The following PTPRO variants were observed in gnomAD, a reference collection of about 807,000 sequenced individuals.
PTPRO encodes the protein receptor-type tyrosine-protein phosphatase O.
A neutral mutation model predicts 145.2 loss-of-function variants in PTPRO; 62 were observed. The observed-to-expected ratio is 0.43, with a 90% CI of 0.35 to 0.53. PTPRO has a LOEUF of 0.53. Among genes scored for constraint, PTPRO ranks in the 20% least tolerant of loss-of-function variants. The pLI is 0.01. For missense variants in PTPRO, 1,345 were observed against 1,482.7 expected (o/e 0.91, Z 1.53); for synonymous variants, 565 against 514.7 (o/e 1.10, Z -1.32).
At chr12:15,488,978 T>C (rs1424727893) in intron 2 of PTPRO, among the ~76,000 whole-genome samples, 1 of 152,082 alleles carries the variant, frequency 6.6e-6, no homozygotes, top group East Asian at 1.9e-4. Context: ...GTTCTACAGA[T>C]AGTGGCTGTA....
At chr12:15,327,212 A>G (rs1026263755) in intron 1 of PTPRO, among the ~76,000 whole-genome samples, 5 of 152,208 alleles carry the variant, frequency 3.3e-5, no homozygotes, top group Non-Finnish European at 7.3e-5. Context: ...TCTTATTAAA[A>G]CCATAAATTA....
In PTPRO at chr12:15,560,196, T is replaced by G; in HGVS notation, c.2631T>G (p.Arg877=). 6.3e-7 allele frequency: 1 copy of G among 1,582,106 alleles called. No homozygotes were observed. The highest frequency in any genetic ancestry group is 8.7e-7 in the Non-Finnish European group (1 of 1,151,268). The change falls in exon 17 of 27, where the codon CGT becomes CGG. Residue 877 remains arginine (R), a synonymous_variant. Coordinates refer to ENST00000281171, the MANE Select transcript of PTPRO (RefSeq NM_030667.3). ...ERDGKLPYNW[R]RSIFAFLTLL... ...TGTTGTCTATTAATGCACACAGGCG[T>G]AGGAGTATATTTGCTTTCTTAACCC... is the stretch of plus-strand genomic sequence containing the variant.
chr12:15,519,343 T>C (rs1942665357), intron 9 of PTPRO, among the ~76,000 whole-genome samples: 2 of 152,126 alleles, frequency 1.3e-5, no homozygotes, highest in Admixed American at 6.5e-5. Flanking sequence ...GAGATTTGGG[T>C]GGGGACACAG....
chr12:15,346,376 T>C lies in PTPRO; in HGVS notation c.75+23575T>C, dbSNP rs143494480. The C allele has an allele frequency of 5.9e-5, 9 of 152,328 alleles. No individual in the cohort carries two copies. In the East Asian group the frequency reaches 1.2e-3, roughly 20 times the overall value. The allele number at this position is 152,328 out of a possible 1,614,324, so 9.4% of individuals were successfully genotyped here. A position where few individuals can be genotyped will look rare whatever the true frequency, so the allele number is the denominator to read the frequency against. ...ATGTTATTTTATTTCTCCCATTGCA[T>C]CCCCAGGTTGGGTCAGATGACAGTA... On this transcript the variant is annotated intron_variant, in intron 1 of 26. Transcript: ENST00000281171.
intron 1 of PTPRO, among the ~76,000 whole-genome samples, chr12:15,471,549 G>A (rs867866620): frequency 2.6e-5 from 4 of 152,168 alleles, no homozygotes; most frequent in African/African-American, 7.2e-5. Flanking sequence ...TGATCTTCAG[G>A]AAAGTTTCTG....
chr12:15,531,832 T>G (rs1489486793), intron 12 of PTPRO, among the ~76,000 whole-genome samples: 2 of 152,204 alleles, frequency 1.3e-5, no homozygotes, highest in African/African-American at 4.8e-5. Context: ...GTTAATGCAA[T>G]TTAGTGACAT....
intron 23 of PTPRO, among the ~76,000 whole-genome samples, chr12:15,582,555 A>T (rs1347359119): frequency 6.6e-6 from 1 of 152,264 alleles, no homozygotes; most frequent in Non-Finnish European, 1.5e-5. Context: ...TCAAGATCAT[A>T]GAAGACACTA....
chr12:15,569,286 T>G, intron 18 of PTPRO, 131 bp from the exon 19 acceptor site: 6 of 770,786 alleles, frequency 7.8e-6, no homozygotes, highest in South Asian at 3.9e-5. Context: ...AAAAAAAAGG[T>G]GAGTGCTAAC....
At chr12:15,436,020 A>G (rs4764192) in intron 1 of PTPRO, among the ~76,000 whole-genome samples, 1 of 152,212 alleles carries the variant, frequency 6.6e-6, no homozygotes, top group Non-Finnish European at 1.5e-5. Flanking sequence ...CTGCTCCTGA[A>G]TGACTACTGG....
rs145106582 is a variant in PTPRO, at chr12:15,587,333, A to G, written c.3410+282A>G. On this transcript the variant is annotated intron_variant, in intron 24 of 26. Coordinates refer to ENST00000281171, the MANE Select transcript of PTPRO (RefSeq NM_030667.3). The stretch of plus-strand genomic sequence containing the variant: ...TCACACAAGTTCATGCAACTAGAAC[A>G]TGGAGGAGTTAGTATTCAAATCCAG... Among the ~76,000 whole-genome samples, 948 of 152,336 alleles carry G rather than the reference A, an allele frequency of 6.2e-3. 6 individuals are homozygous for G. Among genetic ancestry groups the G allele is most frequent in the African/African-American group, 0.022 (896 of 41,566 alleles).
chr12:15,579,420 A>T (rs945219352), intron 20 of PTPRO, among the ~76,000 whole-genome samples: 1 of 152,260 alleles, frequency 6.6e-6, no homozygotes, highest in African/African-American at 2.4e-5. Flanking sequence ...ATTAAAATAC[A>T]TTCCAGTTTA....
chr12:15,472,733 T>C (rs767140632), intron 1 of PTPRO, among the ~76,000 whole-genome samples: 1 of 152,196 alleles, frequency 6.6e-6, no homozygotes, highest in Non-Finnish European at 1.5e-5. Flanking sequence ...AATTAAAGAA[T>C]ATGTTGGGCT....
intron 1 of PTPRO, among the ~76,000 whole-genome samples, chr12:15,378,242 C>T (rs1488418788): frequency 6.6e-6 from 1 of 151,682 alleles, no homozygotes; most frequent in Non-Finnish European, 1.5e-5. Flanking sequence ...AATGTATAAA[C>T]TGAAGCTAGA....
chr12:15,435,586 C>G (rs1940573267), intron 1 of PTPRO, among the ~76,000 whole-genome samples: 1 of 151,016 alleles, frequency 6.6e-6, no homozygotes, highest in African/African-American at 2.4e-5. Flanking sequence ...GGCAATCTCT[C>G]TCTATAATTC....
At chr12:15,354,251 T>C (rs1282453483) in intron 1 of PTPRO, among the ~76,000 whole-genome samples, 1 of 152,242 alleles carries the variant, frequency 6.6e-6, no homozygotes, top group African/African-American at 2.4e-5. Context: ...ACTGATTTCT[T>C]TGTGGCATTG....
At chr12:15,519,690 T>C (rs919071419) in intron 9 of PTPRO, among the ~76,000 whole-genome samples, 1 of 152,238 alleles carries the variant, frequency 6.6e-6, no homozygotes, top group Admixed American at 6.5e-5. Context: ...TTTTAGAGGA[T>C]GTTTTTTAAG....
intron 1 of PTPRO, among the ~76,000 whole-genome samples, chr12:15,428,409 A>G (rs1355645815): frequency 1.3e-5 from 2 of 152,102 alleles, no homozygotes; most frequent in Admixed American, 1.3e-4. Context: ...ACATGTTCTT[A>G]TTTTGATATT....
chr12:15,402,091 A>G (rs1020766588), intron 1 of PTPRO, among the ~76,000 whole-genome samples: 74 of 152,324 alleles, frequency 4.9e-4, no homozygotes, highest in African/African-American at 1.7e-3. Flanking sequence ...CAAGAGTGAT[A>G]AGAAAACCCA....
At chr12:15,403,420 T>G (rs1197197180) in intron 1 of PTPRO, among the ~76,000 whole-genome samples, 1 of 151,942 alleles carries the variant, frequency 6.6e-6, no homozygotes, top group Non-Finnish European at 1.5e-5. Context: ...CCGTCTCTAG[T>G]AAAAATACAA....
Sources: gnomAD v4.1 joint callset for allele counts (sites outside exome capture counted in the v4.1 genomes callset) on GRCh38, gnomAD v4.1.1 for gene constraint, MANE v1.5 for transcripts, NCBI Gene and HGNC (gene_info 2026-07-23, HGNC 2026-07-21) for gene names.